DNAH8: variants seen among roughly 807,000 people sequenced by gnomAD.
DNAH8 encodes dynein axonemal heavy chain 8, also known as axonemal beta dynein heavy chain 8.
Under a neutral mutation model 562.1 loss-of-function variants are expected in DNAH8, and 382 were observed. The observed-to-expected ratio is 0.68, with a 90% CI of 0.63 to 0.74. DNAH8 has a LOEUF of 0.74. Ranked by LOEUF, DNAH8 falls within the 30% of genes least tolerant of loss-of-function variation. DNAH8 has a pLI of 0.00. For missense variants in DNAH8, 5,203 were observed against 5,620.4 expected (o/e 0.93, Z 2.37); for synonymous variants, 1,881 against 1,919.4 (o/e 0.98, Z 0.52).
intron 26 of DNAH8, among the ~76,000 whole-genome samples, chr6:38,818,007 G>A (rs531983849): frequency 6.6e-6 from 1 of 151,870 alleles, no homozygotes; most frequent in African/African-American, 2.4e-5. Flanking sequence ...TTTTAAAGGG[G>A]GATTTGATTT....
chr6:38,730,037 A>C, intron 4 of DNAH8, 51 bp downstream of exon 4: 4 of 819,830 alleles, frequency 4.9e-6, no homozygotes, highest in Non-Finnish European at 8.1e-6. Flanking sequence ...TGCACGTTAA[A>C]GTGCAGCATA....
At chr6:39,001,521 G>C (rs1280902136) in intron 88 of DNAH8, among the ~76,000 whole-genome samples, 2 of 152,056 alleles carry the variant, frequency 1.3e-5, no homozygotes, top group Non-Finnish European at 2.9e-5. Context: ...AATGAGGGCA[G>C]AGCATTCCAG....
In DNAH8 at chr6:39,018,118, A is replaced by G. The variant is rs192793715; in HGVS notation, c.13714+5481A>G. 4.6e-5 allele frequency among the ~76,000 whole-genome samples: 7 copies of G among 152,336 alleles called. No individual in the cohort carries two copies. The East Asian group carries it at 9.7e-4, about 21-fold the overall frequency. On this transcript the variant is annotated intron_variant, in intron 91 of 92. Coordinates refer to ENST00000327475, the MANE Select transcript of DNAH8 (RefSeq NM_001206927.2). ...ATAGCACTAACCTGCCCTGTCCCCA[A>G]ATCACAGAACTATAGAAATGCCTCT...
intron 79 of DNAH8, among the ~76,000 whole-genome samples, chr6:38,941,933 GGCCTTTGGAAGGTGATTA>G (rs1259575784): frequency 1.3e-5 from 2 of 152,142 alleles, no homozygotes; most frequent in African/African-American, 4.8e-5. Flanking sequence ...TAGCATGTGA[GGCCTTTGGAAGGTGATTA>G]GGTCATGAGG....
At chr6:38,902,392 C>A (rs1042178053) in intron 62 of DNAH8, among the ~76,000 whole-genome samples, 1 of 152,176 alleles carries the variant, frequency 6.6e-6, no homozygotes, top group African/African-American at 2.4e-5. Context: ...CTAATCACCC[C>A]AGGGCCACAT....
Position 38,888,315 on chromosome 6 carries a change from T to C in DNAH8, c.8473+1311T>C, listed in dbSNP as rs61091976. On this transcript the variant is annotated intron_variant, in intron 57 of 92. Transcript: ENST00000327475. Reference sequence around the variant, plus strand: ...TTGGAAGAAAATGTAGAGAAATAGTTGAGTGACCTCTGAGTAGGAAAGGAT... The same window carrying C: ...TTGGAAGAAAATGTAGAGAAATAGTCGAGTGACCTCTGAGTAGGAAAGGAT... Among the ~76,000 whole-genome samples, 1,558 of 152,206 alleles carry C rather than the reference T, an allele frequency of 0.01. 86 individuals are homozygous for C. In the East Asian group the frequency reaches 0.15, roughly 14 times the overall value.
chr6:38,830,679 A>G (rs909431384), intron 30 of DNAH8, among the ~76,000 whole-genome samples: 5 of 150,892 alleles, frequency 3.3e-5, no homozygotes, highest in South Asian at 2.1e-4. Flanking sequence ...GATGACCTAC[A>G]TCCTTTAATT....
intron 1 of DNAH8, among the ~76,000 whole-genome samples, chr6:38,722,488 G>A (rs1762829764): frequency 1.3e-5 from 2 of 151,848 alleles, no homozygotes; most frequent in African/African-American, 2.4e-5. Context: ...GGTTACTATG[G>A]CAGGGATGGG....
chr6:38,792,953 CA>C (rs1389078905), intron 21 of DNAH8, among the ~76,000 whole-genome samples: 6 of 151,570 alleles, frequency 4.0e-5, no homozygotes, highest in Non-Finnish European at 8.8e-5. Flanking sequence ...TAATTAAAAA[CA>C]TTTTTTTTGT....
intron 1 of DNAH8, among the ~76,000 whole-genome samples, 194 bp downstream of exon 1, chr6:38,715,609 GTCTCTAC>G (rs1762211739): frequency 6.6e-6 from 1 of 152,088 alleles, no homozygotes; most frequent in Non-Finnish European, 1.5e-5. Flanking sequence ...CCCTTTGTCA[GTCTCTAC>G]ACTGGACATC....
At chr6:38,888,225 C>T (rs1779095192) in intron 57 of DNAH8, among the ~76,000 whole-genome samples, 1 of 151,900 alleles carries the variant, frequency 6.6e-6, no homozygotes, top group African/African-American at 2.4e-5. Context: ...CTACCTCATG[C>T]CAATGACATG....
chr6:38,879,155 A>G (rs1234855110), intron 53 of DNAH8, among the ~76,000 whole-genome samples: 1 of 152,200 alleles, frequency 6.6e-6, no homozygotes, highest in African/African-American at 2.4e-5. Flanking sequence ...TCGACTAAAT[A>G]TTTAAGGAAG....
chr6:38,782,854 T>C, intron 16 of DNAH8, 150 bp from the exon 17 acceptor site: 1 of 659,484 alleles, frequency 1.5e-6, no homozygotes, highest in Non-Finnish European at 2.5e-6. Context: ...CTTGCTGATA[T>C]GGCCTTCCCC....
chr6:39,017,290 T>C (rs962547788), intron 91 of DNAH8, among the ~76,000 whole-genome samples: 4 of 152,184 alleles, frequency 2.6e-5, no homozygotes, highest in African/African-American at 4.8e-5. Context: ...TTTCAGTGCA[T>C]CGTGTAACAT....
intron 63 of DNAH8, among the ~76,000 whole-genome samples, 183 bp from the exon 64 acceptor site, chr6:38,907,773 G>A (rs1780593478): frequency 6.6e-6 from 1 of 152,206 alleles, no homozygotes; most frequent in African/African-American, 2.4e-5. Context: ...TCTTGATTGA[G>A]CTGCTCAATA....
At chr6:38,973,548 T>C (rs868308958) in intron 83 of DNAH8, 113 bp from the exon 84 acceptor site, 1 of 725,320 alleles carries the variant, frequency 1.4e-6, no homozygotes, top group Middle Eastern at 3.5e-4. Flanking sequence ...TTTTTAAAAA[T>C]GTGTTCAAAA....
intron 88 of DNAH8, among the ~76,000 whole-genome samples, chr6:38,996,258 G>A (rs9349106): frequency 0.4 from 61,215 of 151,590 alleles, 12,754 homozygotes; most frequent in East Asian, 0.59. Flanking sequence ...ATAAATCTAT[G>A]GCCTATGTTC....
At chr6:38,846,016 CA>C (rs1375232129) in intron 36 of DNAH8, among the ~76,000 whole-genome samples, 6 of 152,054 alleles carry the variant, frequency 3.9e-5, no homozygotes, top group Non-Finnish European at 8.8e-5. Context: ...TATTCCTCCC[CA>C]GACTGGCATC....
At chr6:38,971,444 A>G (rs1172757192) in intron 82 of DNAH8, 148 bp from the exon 83 acceptor site, 1 of 463,760 alleles carries the variant, frequency 2.2e-6, no homozygotes, top group South Asian at 6.2e-5. Flanking sequence ...CCACACAACC[A>G]AAGGCCAGGC....
Sources: allele counts gnomAD v4.1 joint callset (sites outside exome capture counted in the v4.1 genomes callset), GRCh38; gene constraint gnomAD v4.1.1; transcripts MANE v1.5; gene names NCBI Gene and HGNC (gene_info 2026-07-23, HGNC 2026-07-21).